Variants in RUNX1T1 observed in about 807,000 individuals in gnomAD.
RUNX1T1 encodes RUNX1 partner transcriptional co-repressor 1.
In RUNX1T1, 4 loss-of-function variants were observed where a neutral mutation model predicts 62.8. The ratio of observed to expected loss-of-function variants is 0.06; its 90% CI spans 0.03 to 0.15. The LOEUF (loss-of-function observed/expected upper bound fraction) is 0.15. RUNX1T1 is among the 10% of genes least tolerant of loss of function. The pLI is 1.00. For missense variants in RUNX1T1, 508 were observed against 754.3 expected, an observed-to-expected ratio of 0.67 and a Z score of 3.82; for synonymous variants, 291 against 286.0, an observed-to-expected ratio of 1.02 and a Z score of -0.18.
chr8:92,062,703 C>A (rs966820811), exon 1 of RUNX1T1: 1 of 1,581,570 alleles, frequency 6.3e-7, no homozygotes, highest in Non-Finnish European at 8.7e-7. Flanking sequence ...GTGCTGGGCG[C>A]GTGCGCCTGC....
chr8:92,002,827 A>G (rs1199698563), intron 5 of RUNX1T1, among the ~76,000 whole-genome samples: 1 of 152,208 alleles, frequency 6.6e-6, no homozygotes. Flanking sequence ...ATAAAATTTC[A>G]TATAGTAGAT....
intron 8 of RUNX1T1, among the ~76,000 whole-genome samples, chr8:91,981,121 C>A (rs1053792148): frequency 6.6e-6 from 1 of 152,078 alleles, no homozygotes; most frequent in East Asian, 1.9e-4. Flanking sequence ...CCATTTTACA[C>A]GAGGAAACTG....
chr8:92,015,362 T>C (rs1412399389), intron 2 of RUNX1T1, among the ~76,000 whole-genome samples: 1 of 152,216 alleles, frequency 6.6e-6, no homozygotes, highest in African/African-American at 2.4e-5. Context: ...TTTCTCCCCC[T>C]CATACTTCTT....
chr8:91,968,200 C>T (rs1240750191), intron 10 of RUNX1T1, among the ~76,000 whole-genome samples: 4 of 152,002 alleles, frequency 2.6e-5, no homozygotes, highest in Non-Finnish European at 4.4e-5. Flanking sequence ...TAGCAGAAGA[C>T]GATCATCTGA....
intron 8 of RUNX1T1, among the ~76,000 whole-genome samples, chr8:91,985,089 C>T (rs957250470): frequency 1.3e-5 from 2 of 152,110 alleles, no homozygotes; most frequent in Admixed American, 1.3e-4. Flanking sequence ...GATAATCAGC[C>T]ATGGTACTAA....
chr8:92,095,598 G>A, intron 1 of RUNX1T1: 7 of 1,414,574 alleles, frequency 4.9e-6, no homozygotes, highest in Non-Finnish European at 5.5e-6. Flanking sequence ...GACGGAGCGG[G>A]AGAGGGAGGA....
chr8:92,068,421 A>C (rs1338981769), intron 2 of RUNX1T1, among the ~76,000 whole-genome samples: 1 of 152,144 alleles, frequency 6.6e-6, no homozygotes, highest in Admixed American at 6.5e-5. Flanking sequence ...ACAGAGACAA[A>C]AACCTGCAGC....
At chr8:91,955,489 G>A (rs898661739), downstream of RUNX1T1, 6 of 226,334 alleles carry the variant, frequency 2.7e-5, no homozygotes, top group Admixed American at 2.3e-4. Context: ...AATCTGTTCT[G>A]ATACCTAGTT....
chr8:92,091,694 G>A (rs907675841), intron 1 of RUNX1T1, among the ~76,000 whole-genome samples: 4 of 152,124 alleles, frequency 2.6e-5, no homozygotes, highest in Admixed American at 6.5e-5. Flanking sequence ...GGAAATAGCC[G>A]CATGATGCCC....
chr8:91,970,988 A>T, intron 9 of RUNX1T1, 140 bp from the exon 11 acceptor site: 1 of 573,154 alleles, frequency 1.7e-6, no homozygotes, highest in Non-Finnish European at 2.8e-6. Flanking sequence ...TATCCTCTGC[A>T]TCAATTTCCC....
At chr8:91,986,744 A>C in intron 7 of RUNX1T1, 143 bp downstream of exon 8, 1 of 644,354 alleles carries the variant, frequency 1.6e-6, no homozygotes, top group East Asian at 2.6e-5. Context: ...ATTCTACTTC[A>C]GATATTCTCG....
At position 92,042,583 on chromosome 8, in the gene RUNX1T1, G is replaced by A. The variant is rs930144064; in HGVS notation, c.7+19963C>T. On this transcript the variant is annotated intron_variant, in intron 1 of 10. Transcript: ENST00000396218. ...TCCTTTGTCCTTGGCTTCCCGAAGT[G>A]CTGGAATTACAGGCATGGGGCACCA... is the stretch of plus-strand genomic sequence containing the variant. 2.0e-4 allele frequency among the ~76,000 whole-genome samples: 31 copies of A among 152,196 alleles called. 1 individual carries two copies. The highest frequency in any genetic ancestry group is 7.0e-4 in the African/African-American group (29 of 41,452).
chr8:92,064,742 T>C (rs990836958), upstream of RUNX1T1, among the ~76,000 whole-genome samples: 1 of 152,126 alleles, frequency 6.6e-6, no homozygotes, highest in African/African-American at 2.4e-5. Context: ...CAAAATGCAA[T>C]ACACTTTTGA....
At chr8:91,959,444 G>GTATATATA in exon 11 of RUNX1T1, 1 of 136,576 alleles carries the variant, frequency 7.3e-6, no homozygotes, top group Non-Finnish European at 1.4e-5. Flanking sequence ...GTGTGTGTGT[G>GTATATATA]TGTGTGTGTG....
intron 10 of RUNX1T1, among the ~76,000 whole-genome samples, chr8:91,969,327 A>G (rs1194682326): frequency 1.3e-5 from 2 of 152,186 alleles, no homozygotes; most frequent in Non-Finnish European, 2.9e-5. Flanking sequence ...TGTCTTTAGA[A>G]TTTGGTGACC....
chr8:92,023,804 G>A (rs988786713), intron 1 of RUNX1T1, among the ~76,000 whole-genome samples: 64 of 152,046 alleles, frequency 4.2e-4, no homozygotes, highest in African/African-American at 1.5e-3. Context: ...TAACTACCTT[G>A]GGAACTACCA....
intron 10 of RUNX1T1, among the ~76,000 whole-genome samples, chr8:91,966,348 C>G (rs1427239400): frequency 1.3e-5 from 2 of 151,870 alleles, no homozygotes; most frequent in African/African-American, 4.8e-5. Context: ...TTCACAGATT[C>G]CACTGAGGTT....
intron 1 of RUNX1T1, among the ~76,000 whole-genome samples, chr8:92,029,808 A>AT (rs554403634): frequency 1.3e-3 from 205 of 152,032 alleles, no homozygotes; most frequent in Middle Eastern, 6.8e-3. Flanking sequence ...TGTTTCACTC[A>AT]TTTTTTTTAA....
chr8:92,078,092 C>T (rs1463999092), intron 1 of RUNX1T1, among the ~76,000 whole-genome samples: 2 of 151,290 alleles, frequency 1.3e-5, no homozygotes, highest in African/African-American at 2.4e-5. Flanking sequence ...ACATAGTGTA[C>T]AAATACAGTT....
Sources: allele counts gnomAD v4.1 joint callset (sites outside exome capture counted in the v4.1 genomes callset), GRCh38; gene constraint gnomAD v4.1.1; transcripts MANE v1.5; gene names NCBI Gene and HGNC (gene_info 2026-07-23, HGNC 2026-07-21).